Variants in CCDC88B observed in about 807,000 individuals in gnomAD.
CCDC88B encodes coiled-coil domain-containing protein 88B.
A neutral mutation model predicts 183.7 loss-of-function variants in CCDC88B; 138 were observed. The observed-to-expected ratio is 0.75, with a 90% CI of 0.65 to 0.87. The LOEUF is 0.87. Ranked by LOEUF, CCDC88B falls within the 40% of genes least tolerant of loss-of-function variation. The pLI is 0.00. For synonymous variants in CCDC88B, 835 were observed against 867.5 expected (o/e 0.96, Z 0.66); for missense variants, 1,822 against 1,965.6 (o/e 0.93, Z 1.38).
intron 9 of CCDC88B, 41 bp from the exon 10 acceptor site, chr11:64,342,481 C>T (rs2035910726): frequency 3.3e-6 from 5 of 1,530,746 alleles, no homozygotes; most frequent in Non-Finnish European, 4.4e-6. Context: ...ATCCCTCTGG[C>T]CCGCGGCTGG....
intron 1 of CCDC88B, 33 bp downstream of exon 1, chr11:64,340,359 G>C (rs1254085124): frequency 7.7e-7 from 1 of 1,298,882 alleles, no homozygotes; most frequent in Non-Finnish European, 9.9e-7. Context: ...GTTGGGGAGG[G>C]GAAGTGAGCC....
At position 64,344,992 on chromosome 11, in the gene CCDC88B, G is replaced by C; in HGVS notation, c.2451G>C (p.Ala817=). 1 of 1,546,694 alleles carries C rather than the reference G, an allele frequency of 6.5e-7. No homozygotes were observed. Among genetic ancestry groups the C allele is most frequent in the Non-Finnish European group, 8.7e-7 (1 of 1,147,632 alleles). ...ASQEREALVE[A]LAAAGRERRQ... ...AGGAACGGGAGGCGCTGGTGGAGGC[G>C]CTGGCAGCAGCGGGCCGGGAGCGGA... The change falls in exon 14 of 27, where the codon GCG becomes GCC. Residue 817 remains alanine (A), a synonymous_variant. Coordinates refer to ENST00000356786, the MANE Select transcript of CCDC88B (RefSeq NM_032251.6). This position sits in a 1 kb window ranked among gnomAD's most constrained non-coding sequence, Gnocchi z 4.5.
At chr11:64,341,249 C>G (rs1470736951) in intron 4 of CCDC88B, 21 bp from the exon 5 acceptor site, 1 of 1,614,164 alleles carries the variant, frequency 6.2e-7, no homozygotes, top group Non-Finnish European at 8.5e-7. Context: ...CAGTTAACCC[C>G]TTGTGGCATG....
intron 1 of CCDC88B, 30 bp from the exon 2 acceptor site, chr11:64,340,577 G>C (rs780645748): frequency 1.9e-6 from 3 of 1,596,194 alleles, no homozygotes; most frequent in South Asian, 2.2e-5. Flanking sequence ...TCACTCTGCT[G>C]GTCGGCTGAC....
In CCDC88B at chr11:64,357,425, G is replaced by T. The variant is rs1405457959; in HGVS notation, c.*331G>T. ...AGTTGGCAAGAGAACCCCCTGCCCT[G>T]TCCAGGTGGGAAGCTGAGTCCCAGT... On this transcript the variant is annotated 3_prime_UTR_variant, in exon 27 of 27. Coordinates refer to ENST00000356786, the MANE Select transcript of CCDC88B (RefSeq NM_032251.6). 1.4e-6 allele frequency: 1 copy of T among 717,350 alleles called. No homozygotes were observed. Among genetic ancestry groups the T allele is most frequent in the East Asian group, 2.7e-5 (1 of 37,344 alleles). The allele number at this position is 717,350 out of a possible 1,614,324, so 44.4% of individuals were successfully genotyped here.
At chr11:64,349,805 C>A in intron 16 of CCDC88B, 137 bp downstream of exon 16, 1 of 823,802 alleles carries the variant, frequency 1.2e-6, no homozygotes, top group Admixed American at 2.3e-5. Context: ...CCATGTGGGG[C>A]CTGTTGGAGA....
chr11:64,355,287 C>G lies in CCDC88B; in HGVS notation c.4193C>G (p.Ser1398Ter). Residue 1398 changes from serine (S) to a stop codon, truncating the protein, a stop_gained, in exon 25 of 27, where the codon TCA becomes TGA. Transcript: ENST00000356786. LOFTEE classifies it high-confidence loss of function. Reference sequence around the variant, plus strand: ...GGCGGGCAGCGGCGGAAACTCAGCTCAAGGTTCCCGGTGGGGCGAAGCTCT... The same window carrying G: ...GGCGGGCAGCGGCGGAAACTCAGCTGAAGGTTCCCGGTGGGGCGAAGCTCT... The part of the protein sequence containing the change: ...LAGGQRRKLS[S>*]RFPVGRSSES... 1 of 1,590,334 alleles carries G rather than the reference C, an allele frequency of 6.3e-7. No individual in the cohort carries two copies. The highest frequency in any genetic ancestry group is 1.8e-5 in the Admixed American group (1 of 56,142).
At position 64,344,864 on chromosome 11, in the gene CCDC88B, G is replaced by T. The variant is rs1156354521; in HGVS notation, c.2323G>T (p.Ala775Ser). The change falls in exon 14 of 27, where the codon GCA becomes TCA. Residue 775 changes from alanine to serine, a missense_variant. Transcript: ENST00000356786. The surrounding 1 kb of genome is among the most constrained non-coding windows in gnomAD (Gnocchi z 4.5). ...CAAGGAGCTGGCCCAAGCGCGAAGGGCAGAGGCCGAGGCCCACCGGGAGGC... is the reference window on the plus strand; with the variant it reads ...CAAGGAGCTGGCCCAAGCGCGAAGGTCAGAGGCCGAGGCCCACCGGGAGGC... ...LSKELAQARR[A>S]EAEAHREAEA... 1 of 1,608,012 alleles carries T rather than the reference G, an allele frequency of 6.2e-7. No individual in the cohort carries two copies.
chr11:64,351,128 C>T, intron 16 of CCDC88B, 32 bp from the exon 17 acceptor site: 1 of 1,435,934 alleles, frequency 7.0e-7, no homozygotes, highest in Non-Finnish European at 9.2e-7. Context: ...CTGCGGCTGT[C>T]CCGCATGACC....
Position 64,345,137 on chromosome 11 carries a change from GAGA to G in CCDC88B, c.2599_2601del (p.Lys867del). 3 of 1,545,292 alleles carry G rather than the reference GAGA, an allele frequency of 1.9e-6. No individual in the cohort carries two copies. Among genetic ancestry groups the G allele is most frequent in the East Asian group, 2.4e-5 (1 of 42,120 alleles). ...GGAGGAGGCTGAGAGGGAGCGCCGG[GAGA>G]AGGAGGCCCTCCAGGCGGTAGGTCA... On this transcript the variant is annotated inframe_deletion, in exon 14 of 27. Coordinates refer to ENST00000356786, the MANE Select transcript of CCDC88B (RefSeq NM_032251.6).
intron 17 of CCDC88B, 24 bp downstream of exon 17, chr11:64,351,279 C>T (rs2036317963): frequency 1.3e-6 from 2 of 1,504,132 alleles, no homozygotes; most frequent in Non-Finnish European, 1.8e-6. Context: ...CACAGTGGGC[C>T]CTGGGGAGGT....
At position 64,345,136 on chromosome 11, in the gene CCDC88B, G is replaced by T; in HGVS notation, c.2595G>T (p.Arg865=). The change falls in exon 14 of 27, where the codon CGG becomes CGT. Residue 865 remains arginine, a synonymous_variant. Coordinates refer to ENST00000356786, the MANE Select transcript of CCDC88B (RefSeq NM_032251.6). The part of the protein sequence containing the change: ...QHLEEAERER[R]EKEALQAELE... ...TGGAGGAGGCTGAGAGGGAGCGCCG[G>T]GAGAAGGAGGCCCTCCAGGCGGTAG... 1 of 1,545,178 alleles carries T rather than the reference G, an allele frequency of 6.5e-7. No homozygotes were observed. The highest frequency in any genetic ancestry group is 8.7e-7 in the Non-Finnish European group (1 of 1,150,710).
chr11:64,344,375 A>G lies in CCDC88B; in HGVS notation c.1834A>G (p.Thr612Ala), dbSNP rs748818905. ...ASVAPPQGPG[T>A]KIQAPQLLGG... ...TGTGGCCCCACCTCAGGGTCCAGGG[A>G]CCAAAATTCAGGCCCCGCAGTTGCT... The change falls in exon 14 of 27, where the codon ACC (threonine) becomes GCC (alanine). Residue 612 changes from threonine (T) to alanine (A), a missense_variant. Transcript: ENST00000356786. The surrounding 1 kb of genome is among the most constrained non-coding windows in gnomAD (Gnocchi z 4.5). 1.9e-6 allele frequency: 3 copies of G among 1,584,006 alleles called. No individual in the cohort carries two copies. The highest frequency in any genetic ancestry group is 1.4e-5 in the African/African-American group (1 of 73,420).
chr11:64,352,088 G>A, intron 18 of CCDC88B, 42 bp from the exon 19 acceptor site: 2 of 1,512,948 alleles, frequency 1.3e-6, no homozygotes, highest in East Asian at 2.3e-5. Context: ...TTCCAGCCAG[G>A]GGTTCCTCCC....
At position 64,349,415 on chromosome 11, in the gene CCDC88B, G is replaced by C; in HGVS notation, c.2701G>C (p.Glu901Gln). Residue 901 changes from glutamate (E) to glutamine (Q), a missense_variant, in exon 15 of 27, where the codon GAG (glutamate) becomes CAG (glutamine). By Grantham distance (29) the Glu-to-Gln change is conservative. Transcript: ENST00000356786. ...LQRELEQAAL[E>Q]RQEFLREKES... Reference sequence around the variant, plus strand: ...GCGTGAGCTGGAGCAGGCGGCTCTCGAGCGCCAGGAATTTCTGCGAGAAAA... The same window carrying C: ...GCGTGAGCTGGAGCAGGCGGCTCTCCAGCGCCAGGAATTTCTGCGAGAAAA... 6.2e-7 allele frequency: 1 copy of C among 1,613,348 alleles called. No individual in the cohort carries two copies. The highest frequency in any genetic ancestry group is 1.7e-4 in the Middle Eastern group (1 of 5,820).
rs149543205 is a variant in CCDC88B at position 64,351,197 on chromosome 11, G to A, written c.2900G>A (p.Arg967His). Residue 967 changes from arginine to histidine, a missense_variant, in exon 17 of 27, where the codon CGT becomes CAT. Transcript: ENST00000356786. ...QGPAGLGPKK[R>H]AEPQLVETQN... is the part of the protein sequence containing the mutation. ...CCCGCGGGGCTGGGGCCCAAAAAGC[G>A]TGCGGAGCCTCAGCTGGTGGAGACC... The A allele has an allele frequency of 4.7e-5, 71 of 1,520,412 alleles. No individual in the cohort carries two copies. The East Asian group carries it at 8.6e-4, about 18-fold the overall frequency. 94.2% of individuals were successfully genotyped at this position (1,520,412 alleles called of 1,614,324 possible).
chr11:64,354,456 TC>T (rs956471865), intron 24 of CCDC88B, among the ~76,000 whole-genome samples: 1 of 152,046 alleles, frequency 6.6e-6, no homozygotes, highest in African/African-American at 2.4e-5. Context: ...AGGTCATTGT[TC>T]CTAGACTGCA....
Position 64,341,094 on chromosome 11 carries a change from CCT to C in CCDC88B, c.319-10_319-9del. On this transcript the variant is annotated splice_polypyrimidine_tract_variant and intron_variant, in intron 3 of 26. Transcript: ENST00000356786. ...TCGGGAAGGCGCCTCATATAGTCTG[CCT>C]CTCTGCCTCCAGGAGGAGCTGCAGC... 3 of 1,614,078 alleles carry C rather than the reference CCT, an allele frequency of 1.9e-6. No individual in the cohort carries two copies. Among genetic ancestry groups the C allele is most frequent in the Non-Finnish European group, 2.5e-6 (3 of 1,179,990 alleles).
At position 64,351,240 on chromosome 11, in the gene CCDC88B, T is replaced by C; in HGVS notation, c.2943T>C (p.Ile981=). 1 of 1,529,512 alleles carries C rather than the reference T, an allele frequency of 6.5e-7. No homozygotes were observed. The highest frequency in any genetic ancestry group is 8.8e-7 in the Non-Finnish European group (1 of 1,138,718). 94.7% of individuals were successfully genotyped at this position (1,529,512 alleles called of 1,614,324 possible). A position where few individuals can be genotyped will look rare whatever the true frequency, so the allele number is the denominator to read the frequency against. ...TGGAGACCCAGAATGTGCGGCTTAT[T>C]GAGGTGGAGCGCAGTGTGAGTGTGG... ...QLVETQNVRL[I]EVERSNAMLV... The change falls in exon 17 of 27, where the codon ATT becomes ATC. Residue 981 remains isoleucine, a synonymous_variant. Coordinates refer to ENST00000356786, the MANE Select transcript of CCDC88B (RefSeq NM_032251.6).
Sources: gnomAD v4.1 joint callset for allele counts (sites outside exome capture counted in the v4.1 genomes callset) on GRCh38, gnomAD v4.1.1 for gene constraint, Gnocchi (gnomAD v3.1) non-coding constraint, MANE v1.5 for transcripts, NCBI Gene and HGNC (gene_info 2026-07-23, HGNC 2026-07-21) for gene names.